ABCC8: variants seen among roughly 807,000 people sequenced by gnomAD.
The protein encoded by ABCC8 is ATP-binding cassette sub-family C member 8.
A neutral mutation model predicts 188.0 loss-of-function variants in ABCC8; 137 were observed. That is an observed-to-expected ratio of 0.73 (90% confidence interval 0.63 to 0.84). The LOEUF (loss-of-function observed/expected upper bound fraction) is 0.84, where lower values mean the gene tolerates loss of function less well. ABCC8 is among the 40% of genes least tolerant of loss of function. The pLI is 0.00. For synonymous variants in ABCC8, 797 were observed against 846.5 expected, an observed-to-expected ratio of 0.94 and a Z score of 1.01; for missense variants, 1,750 against 2,072.7, an observed-to-expected ratio of 0.84 and a Z score of 3.02.
intron 26 of ABCC8, chr11:17,406,326 C>T: frequency 2.4e-6 from 1 of 422,460 alleles, no homozygotes; most frequent in East Asian, 4.3e-5. Context: ...CAAATTACAC[C>T]CACTTAGGGA....
intron 6 of ABCC8, among the ~76,000 whole-genome samples, chr11:17,457,208 A>G (rs1957026836): frequency 6.6e-6 from 1 of 152,180 alleles, no homozygotes; most frequent in South Asian, 2.1e-4. Flanking sequence ...ATATACACTC[A>G]TTAAGTCACT....
At chr11:17,460,859 C>G (rs1957165095) in intron 5 of ABCC8, 183 bp from the exon 6 acceptor site, 1 of 1,236,976 alleles carries the variant, frequency 8.1e-7, no homozygotes, top group African/African-American at 1.5e-5. Flanking sequence ...AGGGCCCTAT[C>G]AACACCAACA....
chr11:17,416,924 C>T lies in ABCC8; in HGVS notation c.2255+6G>A. 1.2e-6 allele frequency: 2 copies of T among 1,613,918 alleles called. No homozygotes were observed. Among genetic ancestry groups the T allele is most frequent in the Non-Finnish European group, 1.7e-6 (2 of 1,179,970 alleles). On this transcript the variant is annotated splice_donor_region_variant and intron_variant, in intron 17 of 38. Coordinates refer to ENST00000389817, the MANE Select transcript of ABCC8 (RefSeq NM_000352.6). ...ACCCACTTCTGACCCAGTCCCAAGG[C>T]TGTACCTGGGGTCCTCTCCTATCTC...
Position 17,397,191 on chromosome 11 carries a change from A to G in ABCC8, c.3988+2T>C, listed in dbSNP as rs745349258. Reference sequence around the variant, plus strand: ...CCCCACCCCTCTCCCTGAGCCTCTCACCCAGGAGCCCCTCGTAGCTCTCTG... The same window carrying G: ...CCCCACCCCTCTCCCTGAGCCTCTCGCCCAGGAGCCCCTCGTAGCTCTCTG... On this transcript the variant is annotated splice_donor_variant, in intron 32 of 38. Coordinates refer to ENST00000389817, the MANE Select transcript of ABCC8 (RefSeq NM_000352.6). LOFTEE classifies it high-confidence loss of function. 8 of 1,613,298 alleles carry G rather than the reference A, an allele frequency of 5.0e-6. No homozygotes were observed. Among genetic ancestry groups the G allele is most frequent in the Non-Finnish European group, 6.8e-6 (8 of 1,179,902 alleles).
At chr11:17,470,986 C>A (rs989526474) in intron 2 of ABCC8, among the ~76,000 whole-genome samples, 3 of 152,244 alleles carry the variant, frequency 2.0e-5, no homozygotes, top group African/African-American at 4.8e-5. Context: ...GACAGCAAAA[C>A]CCACTCTGCT....
At chr11:17,409,802 C>T (rs1340512858) in intron 22 of ABCC8, among the ~76,000 whole-genome samples, 1 of 152,214 alleles carries the variant, frequency 6.6e-6, no homozygotes, top group Non-Finnish European at 1.5e-5. Context: ...TTTCTACCTA[C>T]TGAAGAGTAT....
intron 11 of ABCC8, 24 bp from the exon 12 acceptor site, chr11:17,430,983 G>GCCAGGGTGGC (rs1480363808): frequency 6.2e-7 from 1 of 1,612,328 alleles, no homozygotes; most frequent in Non-Finnish European, 8.5e-7. Flanking sequence ...CACAAGTGAG[G>GCCAGGGTGGC]CCAGGGTGGC....
At position 17,431,287 on chromosome 11, in the gene ABCC8, T is replaced by A. The variant is rs1287766235; in HGVS notation, c.1672-328A>T. Among the ~76,000 whole-genome samples the A allele has an allele frequency of 2.0e-5, 3 of 152,096 alleles. No individual in the cohort carries two copies. The South Asian group carries it at 6.2e-4, about 32-fold the overall frequency. On this transcript the variant is annotated intron_variant, in intron 11 of 38. Coordinates refer to ENST00000389817, the MANE Select transcript of ABCC8 (RefSeq NM_000352.6). ...CCCCCTCTGCAGACAGCAGGCGGGG[T>A]GCTCATCTCCCCAGTCCTCATCGGG...
At chr11:17,411,483 T>C (rs942771786) in intron 21 of ABCC8, among the ~76,000 whole-genome samples, 4 of 152,222 alleles carry the variant, frequency 2.6e-5, no homozygotes, top group Non-Finnish European at 4.4e-5. Flanking sequence ...ATCTTCCCAC[T>C]GTGAAGTGTC....
intron 27 of ABCC8, among the ~76,000 whole-genome samples, chr11:17,405,072 C>G (rs570228286): frequency 1.3e-5 from 2 of 152,170 alleles, no homozygotes; most frequent in African/African-American, 4.8e-5. Context: ...GCCTTGCTCT[C>G]CCTTTATTAT....
At chr11:17,392,655 C>T (rs1953690918), downstream of ABCC8, 1 of 383,430 alleles carries the variant, frequency 2.6e-6, no homozygotes, top group East Asian at 6.5e-5. Flanking sequence ...CCTGCCAACA[C>T]CTTGATCCCA....
chr11:17,461,542 A>G, intron 5 of ABCC8, 41 bp downstream of exon 5: 1 of 1,613,420 alleles, frequency 6.2e-7, no homozygotes, highest in South Asian at 1.1e-5. Context: ...ACCCTAAACC[A>G]GAAGGCAGTG....
intron 10 of ABCC8, among the ~76,000 whole-genome samples, chr11:17,441,820 G>A (rs1277638954): frequency 6.6e-6 from 1 of 152,210 alleles, no homozygotes; most frequent in Non-Finnish European, 1.5e-5. Context: ...AGTGGCTCAT[G>A]CATGTAATTC....
intron 12 of ABCC8, chr11:17,430,388 G>T: frequency 3.0e-6 from 1 of 334,702 alleles, no homozygotes; most frequent in South Asian, 2.5e-5. Flanking sequence ...GAAAGGGTAG[G>T]GGATACTTGG....
intron 10 of ABCC8, chr11:17,436,083 T>C (rs79807218): frequency 1.1e-6 from 1 of 897,664 alleles, no homozygotes; most frequent in South Asian, 1.3e-5. Context: ...CTTCTTTGGC[T>C]GTGATTCCCA....
intron 16 of ABCC8, among the ~76,000 whole-genome samples, chr11:17,424,812 T>C (rs1312163887): frequency 6.6e-6 from 1 of 152,184 alleles, no homozygotes; most frequent in Non-Finnish European, 1.5e-5. Context: ...GGAAAGAACA[T>C]GGGCAGAGTC....
At position 17,427,244 on chromosome 11, in the gene ABCC8, C is replaced by T. The variant is rs1955624313; in HGVS notation, c.2117-90G>A. The T allele has an allele frequency of 1.4e-6, 2 of 1,396,052 alleles. No homozygotes were observed. Among genetic ancestry groups the T allele is most frequent in the Admixed American group, 5.9e-5 (2 of 33,622 alleles). 86.5% of individuals were successfully genotyped at this position (1,396,052 alleles called of 1,614,324 possible). A position where few individuals can be genotyped will look rare whatever the true frequency, so the allele number is the denominator to read the frequency against. The stretch of plus-strand genomic sequence containing the variant: ...AAGACAGACAGACAGATGCACCCAA[C>T]CCTGGGGCCCCTGTTTTCTTTCTTC... On this transcript the variant is annotated intron_variant, in intron 15 of 38. Coordinates refer to ENST00000389817, the MANE Select transcript of ABCC8 (RefSeq NM_000352.6). The surrounding 1 kb of genome is among the most constrained non-coding windows in gnomAD (Gnocchi z 5.0).
chr11:17,450,904 G>C (rs904874060), intron 7 of ABCC8, among the ~76,000 whole-genome samples: 3 of 150,964 alleles, frequency 2.0e-5, no homozygotes, highest in Non-Finnish European at 2.9e-5. Context: ...GGTCAGGCTG[G>C]TCTCAAACTT....
chr11:17,448,374 G>A (rs1282961623), intron 8 of ABCC8, 142 bp downstream of exon 8: 3 of 757,612 alleles, frequency 4.0e-6, no homozygotes, highest in Non-Finnish European at 4.7e-6. Context: ...CAGAGGTACA[G>A]CCTGTGGTAT....
Sources: allele counts gnomAD v4.1 joint callset (sites outside exome capture counted in the v4.1 genomes callset), GRCh38; gene constraint gnomAD v4.1.1; non-coding constraint Gnocchi (gnomAD v3.1); transcripts MANE v1.5; gene names NCBI Gene and HGNC (gene_info 2026-07-23, HGNC 2026-07-21).